GASK1A: variants seen among roughly 807,000 people sequenced by gnomAD.
GASK1A encodes Golgi-associated kinase 1A.
In GASK1A, 40 loss-of-function variants were observed where a neutral mutation model predicts 41.2. The ratio of observed to expected loss-of-function variants is 0.97; its 90% CI spans 0.75 to 1.27. The LOEUF (loss-of-function observed/expected upper bound fraction) is 1.27. Ranked by LOEUF, GASK1A falls within the 50% of genes most tolerant of loss-of-function variation. The probability of loss-of-function intolerance (pLI) is 0.00; values close to 1 mark genes in which losing one functional copy is unlikely to be tolerated. For synonymous variants in GASK1A, 316 were observed against 307.1 expected, an observed-to-expected ratio of 1.03 and a Z score of -0.30; for missense variants, 678 against 745.1, an observed-to-expected ratio of 0.91 and a Z score of 1.05.
intron 1 of GASK1A, among the ~76,000 whole-genome samples, chr3:43,006,687 C>T (rs141246365): frequency 7.2e-5 from 11 of 152,264 alleles, no homozygotes; most frequent in Admixed American, 2.0e-4. Flanking sequence ...TTTGTCTTAA[C>T]CTGGTTTTCT....
chr3:43,056,458 G>C lies in GASK1A; in HGVS notation c.*72G>C. On this transcript the variant is annotated 3_prime_UTR_variant, in exon 5 of 5. Coordinates refer to ENST00000430121, the MANE Select transcript of GASK1A (RefSeq NM_001129908.3). ...TTTTCTTGGGCTCACTCATCTTGAG[G>C]ACAAATGGGAAAAGCCAGAAGCCAG... 7.4e-7 allele frequency: 1 copy of C among 1,346,664 alleles called. No individual in the cohort carries two copies. Among genetic ancestry groups the C allele is most frequent in the Non-Finnish European group, 9.9e-7 (1 of 1,005,216 alleles). The allele number at this position is 1,346,664 out of a possible 1,614,324, so 83.4% of individuals were successfully genotyped here.
intron 1 of GASK1A, among the ~76,000 whole-genome samples, chr3:43,013,298 CTG>C (rs1026030752): frequency 3.5e-5 from 5 of 141,738 alleles, no homozygotes; most frequent in Non-Finnish European, 7.7e-5. Flanking sequence ...GGTAGAGGCT[CTG>C]TGAATCCACA....
chr3:43,032,525 A>T lies in GASK1A; in HGVS notation c.262A>T (p.Ile88Phe). ...AAGCCGTGCTTTGCCCAGGAACTCC[A>T]TCTTGGTCTGTGCTGAGGAGCAAGG... The part of the protein sequence containing the change: ...WRSRALPRNS[I>F]LVCAEEQGHR... The change falls in exon 2 of 5, where the codon ATC becomes TTC. Residue 88 changes from isoleucine (I) to phenylalanine (F), a missense_variant. Physicochemically the swap from Ile to Phe is conservative, Grantham distance 21. Transcript: ENST00000430121. The T allele has an allele frequency of 6.5e-7, 1 of 1,549,760 alleles. No homozygotes were observed. The highest frequency in any genetic ancestry group is 8.7e-7 in the Non-Finnish European group (1 of 1,145,360).
intron 1 of GASK1A, among the ~76,000 whole-genome samples, chr3:43,014,919 G>A (rs1352125499): frequency 6.6e-6 from 1 of 151,992 alleles, no homozygotes; most frequent in Non-Finnish European, 1.5e-5. Flanking sequence ...CCCTGGGAAT[G>A]GGCAGTGTGA....
chr3:42,998,971 C>A (rs1559398067), intron 1 of GASK1A, among the ~76,000 whole-genome samples: 1 of 147,660 alleles, frequency 6.8e-6, no homozygotes, highest in Non-Finnish European at 1.5e-5. Flanking sequence ...GGCTTTTGGA[C>A]TTTTTTTTTT....
Position 43,056,255 on chromosome 3 carries a change from G to A in GASK1A, c.1597G>A (p.Val533Met). The change falls in exon 5 of 5, where the codon GTG becomes ATG. Residue 533 changes from valine (V) to methionine (M), a missense_variant. Coordinates refer to ENST00000430121, the MANE Select transcript of GASK1A (RefSeq NM_001129908.3). ...GCTGAAGTCGCTGCAGATGGACCCA[G>A]TGTTCTGGGAAAGCCAAGGCGGAGC... is the stretch of plus-strand genomic sequence containing the variant. Reference protein sequence around the residue: ...MLLKSLQMDPVFWESQGGAQG... With the variant: ...MLLKSLQMDPMFWESQGGAQG... 1.3e-6 allele frequency: 2 copies of A among 1,551,760 alleles called. No homozygotes were observed. Among genetic ancestry groups the A allele is most frequent in the Non-Finnish European group, 1.7e-6 (2 of 1,147,006 alleles).
chr3:43,029,455 C>G (rs1292054413), intron 1 of GASK1A, among the ~76,000 whole-genome samples: 1 of 152,094 alleles, frequency 6.6e-6, no homozygotes, highest in Admixed American at 6.5e-5. Context: ...GGGGAGCCCA[C>G]AGCTGAGTCA....
intron 1 of GASK1A, among the ~76,000 whole-genome samples, chr3:42,992,099 C>T (rs993731586): frequency 2.0e-5 from 3 of 150,940 alleles, no homozygotes; most frequent in African/African-American, 7.3e-5. Context: ...CCCCTCATCT[C>T]CCTTTAGGCT....
intron 2 of GASK1A, among the ~76,000 whole-genome samples, chr3:43,035,975 G>A (rs2089602077): frequency 6.6e-6 from 1 of 152,216 alleles, no homozygotes; most frequent in South Asian, 2.1e-4. Flanking sequence ...ATGAACGAGG[G>A]CAGGAAAAGG....
chr3:43,012,808 A>G (rs574005042), intron 1 of GASK1A, among the ~76,000 whole-genome samples: 2 of 151,508 alleles, frequency 1.3e-5, no homozygotes, highest in South Asian at 4.2e-4. Flanking sequence ...GTGAGGCCAC[A>G]GGAAGGAGCT....
intron 2 of GASK1A, among the ~76,000 whole-genome samples, chr3:43,047,117 C>T (rs1457400989): frequency 6.6e-6 from 1 of 152,218 alleles, no homozygotes; most frequent in Non-Finnish European, 1.5e-5. Flanking sequence ...CCTGATGGAG[C>T]TGTGAGAAGA....
At chr3:43,007,487 C>T (rs554488328) in intron 1 of GASK1A, among the ~76,000 whole-genome samples, 14 of 152,298 alleles carry the variant, frequency 9.2e-5, no homozygotes, top group African/African-American at 3.4e-4. Context: ...AGTCGACTTT[C>T]AGCCAATCCT....
Position 43,032,340 on chromosome 3 carries a change from C to A in GASK1A, c.77C>A (p.Ser26Tyr). Residue 26 changes from serine to tyrosine, a missense_variant, in exon 2 of 5, where the codon TCT becomes TAT. By Grantham distance (144) the Ser-to-Tyr change is moderately radical (BLOSUM62 -2). Transcript: ENST00000430121. ...VIAFCLLMIL[S>Y]AMAVTRFPPQ... ...GCGTTCTGCCTCTTGATGATCCTATCTGCGATGGCTGTCACCCGCTTTCCC... is the reference window on the plus strand; with the variant it reads ...GCGTTCTGCCTCTTGATGATCCTATATGCGATGGCTGTCACCCGCTTTCCC... 5.2e-6 allele frequency: 8 copies of A among 1,551,366 alleles called. No homozygotes were observed. The highest frequency in any genetic ancestry group is 1.2e-5 in the South Asian group (1 of 83,992).
Position 43,042,305 on chromosome 3 carries a change from CAAAAAA to C in GASK1A, c.1290+8768_1290+8773del, listed in dbSNP as rs61149633. On this transcript the variant is annotated intron_variant, in intron 2 of 4. Transcript: ENST00000430121. ...GCAATATAGGGAAACCTTGTCCCTA[CAAAAAA>C]AAAAAAAAAAAAAAATTAAAACTTA... Among the ~76,000 whole-genome samples, 635 of 132,024 alleles carry C rather than the reference CAAAAAA, an allele frequency of 4.8e-3. 4 individuals are homozygous for C. The highest frequency in any genetic ancestry group is 5.5e-3 in the Non-Finnish European group (349 of 63,916). 86.6% of individuals were successfully genotyped at this position (132,024 alleles called of 152,430 possible). A position where few individuals can be genotyped will look rare whatever the true frequency, so the allele number is the denominator to read the frequency against.
chr3:43,053,711 CTGT>C (rs2125693078), intron 3 of GASK1A, 68 bp downstream of exon 3: 1 of 1,523,014 alleles, frequency 6.6e-7, no homozygotes, highest in East Asian at 2.5e-5. Flanking sequence ...TCAGAAGATG[CTGT>C]TAACAAGTTT....
chr3:43,032,952 C>A lies in GASK1A; in HGVS notation c.689C>A (p.Pro230His). The change falls in exon 2 of 5, where the codon CCT (proline) becomes CAT (histidine). Residue 230 changes from proline to histidine, a missense_variant. Pro to His is a moderately conservative substitution (Grantham distance 77). Coordinates refer to ENST00000430121, the MANE Select transcript of GASK1A (RefSeq NM_001129908.3). Reference sequence around the variant, plus strand: ...TTGGCCTCAGGAGCTCATCAGTGGCCTGGCTCTGTTGAGAAGCTGCAAGGG... The same window carrying A: ...TTGGCCTCAGGAGCTCATCAGTGGCATGGCTCTGTTGAGAAGCTGCAAGGG... Reference protein sequence around the residue: ...PTLASGAHQWPGSVEKLQGSV... With the variant: ...PTLASGAHQWHGSVEKLQGSV... 6.4e-7 allele frequency: 1 copy of A among 1,551,000 alleles called. No individual in the cohort carries two copies.
intron 2 of GASK1A, among the ~76,000 whole-genome samples, chr3:43,040,269 T>C (rs2089629710): frequency 1.6e-5 from 1 of 63,942 alleles, no homozygotes. Flanking sequence ...CTTGAAAGGC[T>C]ACCTTTAATA....
At chr3:42,981,257 A>C (rs1250395249) in intron 1 of GASK1A, among the ~76,000 whole-genome samples, 1 of 152,136 alleles carries the variant, frequency 6.6e-6, no homozygotes, top group African/African-American at 2.4e-5. Context: ...CTGGCAGTGA[A>C]ATGGCCTTGG....
Position 43,033,039 on chromosome 3 carries a change from C to A in GASK1A, c.776C>A (p.Pro259Gln), listed in dbSNP as rs887258779. The A allele has an allele frequency of 1.9e-6, 3 of 1,551,614 alleles. No individual in the cohort carries two copies. Among genetic ancestry groups the A allele is most frequent in the Admixed American group, 2.0e-5 (1 of 50,992 alleles). ...SSSRTGGQAP[P>Q]WLTDHDVQML... is the part of the protein sequence containing the mutation. ...TCGAGGACTGGTGGGCAGGCTCCCC[C>A]ATGGCTGACAGACCACGATGTGCAG... The change falls in exon 2 of 5, where the codon CCA (proline) becomes CAA (glutamine). Residue 259 changes from proline (P) to glutamine (Q), a missense_variant. By Grantham distance (76) the Pro-to-Gln change is moderately conservative. Transcript: ENST00000430121.
Sources: gnomAD v4.1 joint callset for allele counts (sites outside exome capture counted in the v4.1 genomes callset) on GRCh38, gnomAD v4.1.1 for gene constraint, MANE v1.5 for transcripts, NCBI Gene and HGNC (gene_info 2026-07-23, HGNC 2026-07-21) for gene names.